Variants in TDRD5 observed in about 807,000 individuals in gnomAD.
The protein encoded by TDRD5 is tudor domain containing 5.
Under a neutral mutation model 120.6 loss-of-function variants are expected in TDRD5, and 41 were observed. The ratio of observed to expected loss-of-function variants is 0.34; its 90% CI spans 0.26 to 0.44. TDRD5 has a LOEUF of 0.44. Ranked by LOEUF, TDRD5 falls within the 20% of genes least tolerant of loss-of-function variation. TDRD5 has a pLI of 1.00. For missense variants in TDRD5, 1,006 were observed against 1,221.2 expected, an observed-to-expected ratio of 0.82 and a Z score of 2.63; for synonymous variants, 430 against 433.7, an observed-to-expected ratio of 0.99 and a Z score of 0.11.
intron 4 of TDRD5, among the ~76,000 whole-genome samples, chr1:179,599,264 T>C (rs1675567788): frequency 6.6e-6 from 1 of 152,122 alleles, no homozygotes; most frequent in Non-Finnish European, 1.5e-5. Flanking sequence ...GGGTTTTGCA[T>C]TTATGTTTAT....
chr1:179,644,553 A>G (rs1163411164), intron 11 of TDRD5, among the ~76,000 whole-genome samples: 1 of 152,120 alleles, frequency 6.6e-6, no homozygotes, highest in Admixed American at 6.5e-5. Flanking sequence ...CCACCCCAAC[A>G]AAAAATTAAA....
chr1:179,615,783 TTTTTTTTAAC>T (rs1469261745), intron 4 of TDRD5, among the ~76,000 whole-genome samples: 3 of 151,958 alleles, frequency 2.0e-5, no homozygotes, highest in Non-Finnish European at 4.4e-5. Context: ...AAACTTTTTT[TTTTTTTTAAC>T]TTTTTTCAGA....
intron 17 of TDRD5, among the ~76,000 whole-genome samples, chr1:179,684,513 T>G (rs1680599142): frequency 6.6e-6 from 1 of 152,200 alleles, no homozygotes; most frequent in Non-Finnish European, 1.5e-5. Context: ...AACATACATG[T>G]GCATGTTTCT....
chr1:179,673,481 T>C (rs1572429509), intron 17 of TDRD5, among the ~76,000 whole-genome samples: 1 of 152,188 alleles, frequency 6.6e-6, no homozygotes, highest in Admixed American at 6.5e-5. Flanking sequence ...CCTGATGACA[T>C]GTGCCCAAGG....
intron 6 of TDRD5, among the ~76,000 whole-genome samples, chr1:179,626,451 G>C (rs1454183051): frequency 6.6e-6 from 1 of 152,172 alleles, no homozygotes; most frequent in Non-Finnish European, 1.5e-5. Flanking sequence ...ATCTTGAGTA[G>C]GGGTTTGGGT....
chr1:179,645,386 TA>T (rs1249451138), intron 11 of TDRD5, among the ~76,000 whole-genome samples: 1 of 152,168 alleles, frequency 6.6e-6, no homozygotes, highest in Admixed American at 6.5e-5. Flanking sequence ...CGCCCGGCCA[TA>T]AACATTTTCC....
At chr1:179,598,527 T>C (rs1231364835) in intron 4 of TDRD5, among the ~76,000 whole-genome samples, 2 of 152,208 alleles carry the variant, frequency 1.3e-5, no homozygotes, top group Non-Finnish European at 2.9e-5. Flanking sequence ...TATTTAGGTC[T>C]TTACATTCTC....
intron 11 of TDRD5, among the ~76,000 whole-genome samples, chr1:179,644,599 C>A (rs551874518): frequency 6.6e-6 from 1 of 152,124 alleles, no homozygotes; most frequent in African/African-American, 2.4e-5. Flanking sequence ...ACTTTTTATT[C>A]CTTCTTGACA....
At chr1:179,642,735 A>G (rs1293113989) in intron 11 of TDRD5, among the ~76,000 whole-genome samples, 2 of 152,156 alleles carry the variant, frequency 1.3e-5, no homozygotes, top group Non-Finnish European at 2.9e-5. Flanking sequence ...GTGCCTGGTA[A>G]ATGCTCAATA....
At chr1:179,635,925 C>T in intron 9 of TDRD5, 38 bp downstream of exon 9, 1 of 1,575,368 alleles carries the variant, frequency 6.3e-7, no homozygotes, top group Non-Finnish European at 8.7e-7. Flanking sequence ...TTTCACATGT[C>T]TCTTAAATCA....
At chr1:179,648,157 T>C (rs376912907) in intron 11 of TDRD5, among the ~76,000 whole-genome samples, 1 of 145,318 alleles carries the variant, frequency 6.9e-6, no homozygotes, top group Admixed American at 7.1e-5. Context: ...CGTATGTTTA[T>C]TGCGGCATTA....
intron 7 of TDRD5, among the ~76,000 whole-genome samples, chr1:179,632,633 A>G (rs955633385): frequency 2.6e-5 from 4 of 152,184 alleles, no homozygotes; most frequent in Non-Finnish European, 5.9e-5. Flanking sequence ...AAAGCTGCAC[A>G]TGCTTGTTTA....
chr1:179,609,274 G>C (rs1676156463), intron 4 of TDRD5, among the ~76,000 whole-genome samples: 1 of 152,008 alleles, frequency 6.6e-6, no homozygotes, highest in East Asian at 1.9e-4. Context: ...CTTGGAGATG[G>C]GATCCCAGTC....
intron 6 of TDRD5, among the ~76,000 whole-genome samples, chr1:179,627,823 A>G (rs1677210093): frequency 6.6e-6 from 1 of 152,254 alleles, no homozygotes; most frequent in African/African-American, 2.4e-5. Flanking sequence ...AAGAGAGCCA[A>G]TCACTTATCT....
rs111706473 is a variant in TDRD5, at chr1:179,604,574, G to A, written c.831+8756G>A. ...TGTATCCCAGAGTTTTTGATAGACC[G>A]TGTCATTATTGTCATTGAGTTTGAA... On this transcript the variant is annotated intron_variant, in intron 4 of 17. Coordinates refer to ENST00000444136, the MANE Select transcript of TDRD5 (RefSeq NM_001199085.3). 4.0e-3 allele frequency among the ~76,000 whole-genome samples: 609 copies of A among 152,102 alleles called. 2 individuals carry two copies. The highest frequency in any genetic ancestry group is 0.011 in the African/African-American group (472 of 41,484).
At chr1:179,672,589 T>C (rs149018356) in intron 17 of TDRD5, among the ~76,000 whole-genome samples, 5,783 of 152,242 alleles carry the variant, frequency 0.038, 173 homozygotes, top group East Asian at 0.11. Context: ...TACAGAAGCT[T>C]TTTAGTTTAA....
intron 13 of TDRD5, among the ~76,000 whole-genome samples, 169 bp from the exon 14 acceptor site, chr1:179,654,032 G>A (rs761762140): frequency 6.6e-6 from 1 of 152,092 alleles, no homozygotes. Flanking sequence ...TTCATTGGCC[G>A]GAACTAGGGT....
chr1:179,594,665 ATTTTCT>A (rs995288121), intron 3 of TDRD5, among the ~76,000 whole-genome samples: 1 of 152,224 alleles, frequency 6.6e-6, no homozygotes, highest in African/African-American at 2.4e-5. Context: ...TATTTCAGTG[ATTTTCT>A]TTTTCTCCAA....
chr1:179,668,598 C>A (rs143711300), intron 16 of TDRD5, among the ~76,000 whole-genome samples: 1 of 152,250 alleles, frequency 6.6e-6, no homozygotes, highest in African/African-American at 2.4e-5. Flanking sequence ...TTCTCTCGTG[C>A]CCTGCCCCTC....
Sources: gnomAD v4.1 joint callset for allele counts (sites outside exome capture counted in the v4.1 genomes callset) on GRCh38, gnomAD v4.1.1 for gene constraint, MANE v1.5 for transcripts, NCBI Gene and HGNC (gene_info 2026-07-23, HGNC 2026-07-21) for gene names.